Variants in KDR observed in about 807,000 individuals in gnomAD.
KDR encodes kinase insert domain receptor, also known as vascular endothelial growth factor receptor 2.
Under a neutral mutation model 160.9 loss-of-function variants are expected in KDR, and 43 were observed. That is an observed-to-expected ratio of 0.27 (90% CI 0.21 to 0.34). The LOEUF (loss-of-function observed/expected upper bound fraction) is 0.34. KDR is among the 10% of genes least tolerant of loss of function. KDR has a pLI of 1.00. For synonymous variants in KDR, 617 were observed against 600.1 expected (o/e 1.03, Z -0.41); for missense variants, 1,469 against 1,666.4 (o/e 0.88, Z 2.06).
At position 55,114,248 on chromosome 4, in the gene KDR, C is replaced by T; in HGVS notation, c.676G>A (p.Val226Met). Residue 226 changes from valine to methionine, a missense_variant, in exon 6 of 30, where the codon GTG (valine) becomes ATG (methionine). Transcript: ENST00000263923. ...VVVVGYRIYDVVLSPSHGIEL... is the reference protein window; with the variant it reads ...VVVVGYRIYDMVLSPSHGIEL... ...ATTCCATGAGACGGACTCAGAACCA[C>T]ATCATAAATCCTATACCCTAGAGCA... 1 of 1,613,870 alleles carries T rather than the reference C, an allele frequency of 6.2e-7. No individual in the cohort carries two copies. The highest frequency in any genetic ancestry group is 1.7e-5 in the Admixed American group (1 of 60,006).
chr4:55,121,354 G>T (rs1053078418), intron 1 of KDR, among the ~76,000 whole-genome samples, 164 bp from the exon 2 acceptor site: 3 of 152,214 alleles, frequency 2.0e-5, no homozygotes, highest in African/African-American at 7.2e-5. Context: ...AAGTTCACAA[G>T]CTGTGTCATA....
chr4:55,124,420 G>A (rs542311193), intron 1 of KDR, among the ~76,000 whole-genome samples: 1 of 152,168 alleles, frequency 6.6e-6, no homozygotes, highest in Non-Finnish European at 1.5e-5. Context: ...TTAGGCGGCA[G>A]GGAGAGGAAG....
At chr4:55,109,605 T>C (rs539018411) in intron 9 of KDR, among the ~76,000 whole-genome samples, 1 of 152,286 alleles carries the variant, frequency 6.6e-6, no homozygotes, top group African/African-American at 2.4e-5. Flanking sequence ...AAAGGTGCTC[T>C]GGTCAAATAG....
At chr4:55,089,351 A>C in intron 25 of KDR, 23 bp downstream of exon 25, 1 of 1,530,498 alleles carries the variant, frequency 6.5e-7, no homozygotes, top group Non-Finnish European at 9.0e-7. Flanking sequence ...AAGAGAACAC[A>C]GGAATACTTC....
rs1721007132 is a variant in KDR at position 55,125,397 on chromosome 4, G to A, written c.-104C>T. The A allele has an allele frequency of 5.7e-6, 8 of 1,399,708 alleles. No individual in the cohort carries two copies. Among genetic ancestry groups the A allele is most frequent in the Admixed American group, 2.0e-5 (1 of 50,862 alleles). 86.7% of individuals were successfully genotyped at this position (1,399,708 alleles called of 1,614,324 possible). A position where few individuals can be genotyped will look rare whatever the true frequency, so the allele number is the denominator to read the frequency against. On this transcript the variant is annotated 5_prime_UTR_variant, in exon 1 of 30. Transcript: ENST00000263923. ...GCGGAGGTGGAACTCGCGGCACCCC[G>A]CAGCGCAGGACAGTTGAGCGCACAG...
At position 55,121,226 on chromosome 4, in the gene KDR, C is replaced by G. The variant is rs79661795; in HGVS notation, c.68-36G>C. On this transcript the variant is annotated intron_variant, in intron 1 of 29. Transcript: ENST00000263923. ...ATTAAATAAATGAATGTAGTTGCCA[C>G]TGAGTTAGACCTAATAGGAAACACC... The G allele has an allele frequency of 8.5e-4, 1,250 of 1,468,552 alleles. 9 individuals carry two copies. The African/African-American group carries it at 0.016, about 19-fold the overall frequency. The allele number at this position is 1,468,552 out of a possible 1,614,324, so 91.0% of individuals were successfully genotyped here.
At chr4:55,119,187 C>A (rs1370764426) in intron 2 of KDR, among the ~76,000 whole-genome samples, 2 of 147,726 alleles carry the variant, frequency 1.4e-5, no homozygotes, top group Non-Finnish European at 3.0e-5. Flanking sequence ...TCAGCCTGGG[C>A]AAGAGGGCAA....
rs1464570103 is a variant in KDR at position 55,120,984 on chromosome 4, T to G, written c.161+113A>C. ...ATCAGTTCTTAGAAACCTCACCACT[T>G]ATGAACAATTACTACAAGCTCTATT... On this transcript the variant is annotated intron_variant, in intron 2 of 29. Transcript: ENST00000263923. 8 of 716,100 alleles carry G rather than the reference T, an allele frequency of 1.1e-5. No individual in the cohort carries two copies. In the Admixed American group the frequency reaches 1.8e-4, roughly 16 times the overall value. 44.4% of individuals were successfully genotyped at this position (716,100 alleles called of 1,614,324 possible). A position where few individuals can be genotyped will look rare whatever the true frequency, so the allele number is the denominator to read the frequency against.
Position 55,079,000 on chromosome 4 carries a change from A to G in KDR, c.*941T>C, listed in dbSNP as rs1719653080. ...AAACTTTGACACCACACACAGCTTC[A>G]CATTGAACCTCCCGCATTCAGTCTC... On this transcript the variant is annotated 3_prime_UTR_variant, in exon 30 of 30. Transcript: ENST00000263923. 3 of 233,236 alleles carry G rather than the reference A, an allele frequency of 1.3e-5. No individual in the cohort carries two copies. The highest frequency in any genetic ancestry group is 2.5e-5 in the Non-Finnish European group (3 of 118,112). The allele number at this position is 233,236 out of a possible 1,614,324, so 14.4% of individuals were successfully genotyped here.
intron 9 of KDR, 30 bp from the exon 10 acceptor site, chr4:55,107,923 G>GT (rs767522348): frequency 1.9e-5 from 31 of 1,612,444 alleles, no homozygotes; most frequent in Non-Finnish European, 2.1e-5. Context: ...CTTTTGAATT[G>GT]TCAGTCAGCT....
chr4:55,111,850 C>A (rs1334345687), intron 7 of KDR, among the ~76,000 whole-genome samples: 2 of 152,196 alleles, frequency 1.3e-5, no homozygotes, highest in African/African-American at 4.8e-5. Context: ...GAGTTCCAAT[C>A]TCAGCTTCAA....
chr4:55,098,172 C>T lies in KDR; in HGVS notation c.2474G>A (p.Ser825Asn), dbSNP rs771563961. The T allele has an allele frequency of 6.8e-6, 11 of 1,613,954 alleles. No homozygotes were observed. In the East Asian group the frequency reaches 2.2e-4, roughly 33 times the overall value. ...CCGGTCTCTGGGGAATTCCCATTTG[C>T]TGGCATCATAAGGCAGTCGTTCACA... is the stretch of plus-strand genomic sequence containing the variant. Reference protein sequence around the residue: ...EHCERLPYDASKWEFPRDRLK... With the variant: ...EHCERLPYDANKWEFPRDRLK... Residue 825 changes from serine to asparagine, a missense_variant, in exon 17 of 30, where the codon AGC becomes AAC. Physicochemically the swap from Ser to Asn is conservative, Grantham distance 46. Coordinates refer to ENST00000263923, the MANE Select transcript of KDR (RefSeq NM_002253.4).
rs369838092 is a variant in KDR, at chr4:55,115,262, T to A, written c.489+19A>T. The A allele has an allele frequency of 3.5e-5, 56 of 1,594,676 alleles. No individual in the cohort carries two copies. The highest frequency in any genetic ancestry group is 4.3e-5 in the Non-Finnish European group (50 of 1,162,528). ...AAATTATAAAAACTTAAGAGACGAT[T>A]GGAGGAGATGCAACTTACTGCACAA... On this transcript the variant is annotated intron_variant, in intron 4 of 29. Coordinates refer to ENST00000263923, the MANE Select transcript of KDR (RefSeq NM_002253.4).
intron 9 of KDR, among the ~76,000 whole-genome samples, chr4:55,108,222 T>G (rs941452062): frequency 6.9e-6 from 1 of 145,738 alleles, no homozygotes; most frequent in African/African-American, 2.5e-5. Context: ...AGGAATAAAG[T>G]AACGAAATAA....
At chr4:55,083,852 G>A (rs1337337009) in intron 27 of KDR, among the ~76,000 whole-genome samples, 5 of 152,182 alleles carry the variant, frequency 3.3e-5, no homozygotes, top group Admixed American at 2.0e-4. Context: ...CCTCACTCAG[G>A]AAACTCCACA....
intron 22 of KDR, chr4:55,092,389 C>T (rs999914105): frequency 1.9e-6 from 1 of 534,230 alleles, no homozygotes; most frequent in South Asian, 2.0e-5. Flanking sequence ...AAGACTGCCT[C>T]ACACTTAGTA....
At chr4:55,094,577 T>C (rs897411747) in intron 21 of KDR, among the ~76,000 whole-genome samples, 9 of 152,230 alleles carry the variant, frequency 5.9e-5, no homozygotes, top group African/African-American at 1.9e-4. Flanking sequence ...CCACTTGGAC[T>C]ACCCAGATTT....
chr4:55,123,772 C>T (rs902670316), intron 1 of KDR, among the ~76,000 whole-genome samples: 1 of 152,202 alleles, frequency 6.6e-6, no homozygotes, highest in Non-Finnish European at 1.5e-5. Context: ...AATTTGTGCA[C>T]TGTTACCCTT....
At position 55,114,857 on chromosome 4, in the gene KDR, A is replaced by C. The variant is rs1442923203; in HGVS notation, c.658+17T>G. On this transcript the variant is annotated intron_variant, in intron 5 of 29. Transcript: ENST00000263923. Reference sequence around the variant, plus strand: ...AGGATATGTTATTAATGATATGGAAAGGAAATGTCCTCTTACCTACAACGA... The same window carrying C: ...AGGATATGTTATTAATGATATGGAACGGAAATGTCCTCTTACCTACAACGA... 1 of 1,591,096 alleles carries C rather than the reference A, an allele frequency of 6.3e-7. No individual in the cohort carries two copies. Among genetic ancestry groups the C allele is most frequent in the African/African-American group, 1.3e-5 (1 of 74,542 alleles).
Sources: gnomAD v4.1 joint callset for allele counts (sites outside exome capture counted in the v4.1 genomes callset) on GRCh38, gnomAD v4.1.1 for gene constraint, MANE v1.5 for transcripts, NCBI Gene and HGNC (gene_info 2026-07-23, HGNC 2026-07-21) for gene names.